Variants in COMT observed in about 807,000 individuals in gnomAD.
COMT encodes the protein catechol O-methyltransferase.
COMT carries 13 observed loss-of-function variants against 18.9 expected under a neutral mutation model. The ratio of observed to expected loss-of-function variants is 0.69; its 90% CI spans 0.45 to 1.09. COMT has a LOEUF of 1.09. COMT is among the 50% of genes least tolerant of loss of function. COMT has a pLI of 0.00. For missense variants in COMT, 329 were observed against 361.8 expected, an observed-to-expected ratio of 0.91 and a Z score of 0.73; for synonymous variants, 150 against 160.9, an observed-to-expected ratio of 0.93 and a Z score of 0.51.
rs1255191295 is a variant in COMT, at chr22:19,964,762, A to G, written c.615+463A>G. ...TTGTGCATTCCCCCAACCCAGCCCC[A>G]CTGGCGAGGACCCTGAGTGCCCCGA... On this transcript the variant is annotated intron_variant, in intron 5 of 5. Transcript: ENST00000361682. 7 of 398,068 alleles carry G rather than the reference A, an allele frequency of 1.8e-5. No homozygotes were observed. In the East Asian group the frequency reaches 3.7e-4, roughly 21 times the overall value. 24.7% of individuals were successfully genotyped at this position (398,068 alleles called of 1,614,324 possible). A position where few individuals can be genotyped will look rare whatever the true frequency, so the allele number is the denominator to read the frequency against.
chr22:19,967,596 TG>T, intron 5 of COMT: 1 of 363,278 alleles, frequency 2.8e-6, no homozygotes, highest in Non-Finnish European at 5.4e-6. Flanking sequence ...GCAAGCCCTG[TG>T]GGACTCTCCA....
At position 19,968,895 on chromosome 22, in the gene COMT, C is replaced by T; in HGVS notation, c.*159C>T. 1 of 665,034 alleles carries T rather than the reference C, an allele frequency of 1.5e-6. No individual in the cohort carries two copies. The highest frequency in any genetic ancestry group is 2.2e-5 in the Admixed American group (1 of 44,648). The allele number at this position is 665,034 out of a possible 1,614,324, so 41.2% of individuals were successfully genotyped here. A position where few individuals can be genotyped will look rare whatever the true frequency, so the allele number is the denominator to read the frequency against. On this transcript the variant is annotated 3_prime_UTR_variant, in exon 6 of 6. Coordinates refer to ENST00000361682, the MANE Select transcript of COMT (RefSeq NM_000754.4). ...CTGACATGCTAACCTCTCTGAACTG[C>T]AACACTGGATTGTTCTTTTTTAAGA... is the stretch of plus-strand genomic sequence containing the variant.
intron 1 of COMT, among the ~76,000 whole-genome samples, chr22:19,947,436 A>G (rs1372865577): frequency 6.6e-6 from 1 of 152,180 alleles, no homozygotes; most frequent in African/African-American, 2.4e-5. Context: ...GCTGTTATTT[A>G]TTGGATACAA....
At chr22:19,954,075 C>T (rs1291051269) in intron 1 of COMT, among the ~76,000 whole-genome samples, 1 of 152,196 alleles carries the variant, frequency 6.6e-6, no homozygotes. Context: ...GCAGTGCAGC[C>T]TCTTGCCTCT....
chr22:19,958,789 G>T (rs373356202), intron 1 of COMT, among the ~76,000 whole-genome samples: 71 of 151,886 alleles, frequency 4.7e-4, no homozygotes, highest in Non-Finnish European at 7.5e-4. Flanking sequence ...TACTTGGGGG[G>T]GCTGAGGCAG....
intron 5 of COMT, chr22:19,967,025 T>C: frequency 8.3e-7 from 1 of 1,201,192 alleles, no homozygotes; most frequent in Non-Finnish European, 1.1e-6. Flanking sequence ...GCTTGCAGTG[T>C]CGGGCGACAG....
In COMT at chr22:19,962,948, T is replaced by TG; in HGVS notation, c.289+139dup. On this transcript the variant is annotated intron_variant, in intron 3 of 5. Transcript: ENST00000361682. ...ACCCTGGGATATGCCCAGATAGGGC[T>TG]GGGGGGCTCCTCTGGAGTCCCAGGG... 4.2e-6 allele frequency: 5 copies of TG among 1,202,874 alleles called. No individual in the cohort carries two copies. In the South Asian group the frequency reaches 4.8e-5, roughly 11 times the overall value. 74.5% of individuals were successfully genotyped at this position (1,202,874 alleles called of 1,614,324 possible). A position where few individuals can be genotyped will look rare whatever the true frequency, so the allele number is the denominator to read the frequency against.
At chr22:19,952,583 G>A (rs1442022949) in intron 1 of COMT, among the ~76,000 whole-genome samples, 2 of 150,412 alleles carry the variant, frequency 1.3e-5, no homozygotes. Context: ...AGCTTGCAGT[G>A]AGCCGAGATT....
In COMT at chr22:19,969,040, T is replaced by C. The variant is rs1042989000; in HGVS notation, c.*304T>C. On this transcript the variant is annotated 3_prime_UTR_variant, in exon 6 of 6. Coordinates refer to ENST00000361682, the MANE Select transcript of COMT (RefSeq NM_000754.4). Reference sequence around the variant, plus strand: ...AATATTTAGATATAACTCGACTTAGTACATCCTTCTCAACTGCCATTCCCC... The same window carrying C: ...AATATTTAGATATAACTCGACTTAGCACATCCTTCTCAACTGCCATTCCCC... 5 of 271,876 alleles carry C rather than the reference T, an allele frequency of 1.8e-5. No individual in the cohort carries two copies. The highest frequency in any genetic ancestry group is 3.6e-5 in the Non-Finnish European group (5 of 138,236). 16.8% of individuals were successfully genotyped at this position (271,876 alleles called of 1,614,324 possible).
rs964201472 is a variant in COMT at position 19,969,830 on chromosome 22, G to A, written c.*1094G>A. On this transcript the variant is annotated 3_prime_UTR_variant, in exon 6 of 6. Transcript: ENST00000361682. ...CCACCCAGGGCCCTGCCCCAGACGC[G>A]CAGAGGCCCGACACAAGGGAGAAGC... is the stretch of plus-strand genomic sequence containing the variant. The A allele has an allele frequency of 1.6e-5, 16 of 984,916 alleles. No individual in the cohort carries two copies. In the East Asian group the frequency reaches 5.7e-4, roughly 35 times the overall value. The allele number at this position is 984,916 out of a possible 1,614,324, so 61.0% of individuals were successfully genotyped here. A position where few individuals can be genotyped will look rare whatever the true frequency, so the allele number is the denominator to read the frequency against.
chr22:19,956,379 T>C, intron 1 of COMT, among the ~76,000 whole-genome samples: 1 of 132,798 alleles, frequency 7.5e-6, no homozygotes. Context: ...TCTTTTTTTT[T>C]TTTTTTTTTT....
At chr22:19,949,668 A>T (rs1274405839) in intron 1 of COMT, among the ~76,000 whole-genome samples, 1 of 151,504 alleles carries the variant, frequency 6.6e-6, no homozygotes. Context: ...CACAATCAGG[A>T]CTCACTGCAC....
At chr22:19,948,393 G>A (rs1169599907) in intron 1 of COMT, among the ~76,000 whole-genome samples, 2 of 152,178 alleles carry the variant, frequency 1.3e-5, no homozygotes, top group South Asian at 2.1e-4. Flanking sequence ...AGTGGTTCAC[G>A]CCTATAATCC....
At chr22:19,952,150 A>T (rs888040872) in intron 1 of COMT, among the ~76,000 whole-genome samples, 1 of 152,248 alleles carries the variant, frequency 6.6e-6, no homozygotes, top group South Asian at 2.1e-4. Flanking sequence ...AATAATTTTT[A>T]AAAAATTAGC....
At chr22:19,959,623 A>G (rs1241300026) in intron 1 of COMT, among the ~76,000 whole-genome samples, 2 of 152,230 alleles carry the variant, frequency 1.3e-5, no homozygotes, top group Non-Finnish European at 2.9e-5. Flanking sequence ...GGCCCGGGGC[A>G]GCCAGTCCCT....
chr22:19,954,060 C>T (rs1942006679), intron 1 of COMT, among the ~76,000 whole-genome samples: 1 of 152,188 alleles, frequency 6.6e-6, no homozygotes, highest in Admixed American at 6.5e-5. Flanking sequence ...TGTGAATCTG[C>T]AGGTGCAGTG....
At chr22:19,958,647 A>G (rs1193801047) in intron 1 of COMT, among the ~76,000 whole-genome samples, 1 of 148,040 alleles carries the variant, frequency 6.8e-6, no homozygotes, top group East Asian at 2.0e-4. Context: ...TTGGAAGGCC[A>G]AGGGGGTGGA....
At position 19,943,016 on chromosome 22, in the gene COMT, C is replaced by T. The variant is rs564729137; in HGVS notation, c.-92+1119C>T. Among the ~76,000 whole-genome samples the T allele has an allele frequency of 2.0e-5, 3 of 152,326 alleles. No individual in the cohort carries two copies. In the East Asian group the frequency reaches 5.8e-4, roughly 29 times the overall value. On this transcript the variant is annotated intron_variant, in intron 1 of 5. Coordinates refer to ENST00000361682, the MANE Select transcript of COMT (RefSeq NM_000754.4). ...AAATTCTTGTGGCAGCCTTGAACTT[C>T]TCAGGCAGGCACTTTAGAGGGGGCT...
Position 19,941,915 on chromosome 22 carries a change from AC to A in COMT, c.-92+20del, listed in dbSNP as rs1434655709. On this transcript the variant is annotated intron_variant, in intron 1 of 5. Coordinates refer to ENST00000361682, the MANE Select transcript of COMT (RefSeq NM_000754.4). The stretch of plus-strand genomic sequence containing the variant: ...CGGGAGAGGTGAGAGCGCTGGCTAG[AC>A]CGGGGCCGAATGCGGCCGGATTCGG... The A allele has an allele frequency of 1.7e-6, 2 of 1,173,730 alleles. No individual in the cohort carries two copies. Among genetic ancestry groups the A allele is most frequent in the Non-Finnish European group, 2.2e-6 (2 of 903,158 alleles). 72.7% of individuals were successfully genotyped at this position (1,173,730 alleles called of 1,614,324 possible).
Sources: allele counts gnomAD v4.1 joint callset (sites outside exome capture counted in the v4.1 genomes callset), GRCh38; gene constraint gnomAD v4.1.1; transcripts MANE v1.5; gene names NCBI Gene and HGNC (gene_info 2026-07-23, HGNC 2026-07-21).